The following OSBPL1A variants were observed in gnomAD, a reference collection of about 807,000 sequenced individuals.
OSBPL1A encodes the protein oxysterol-binding protein-related protein 1.
OSBPL1A carries 80 observed loss-of-function variants against 137.1 expected under a neutral mutation model. That is an observed-to-expected ratio of 0.58 (90% CI 0.49 to 0.70). OSBPL1A has a LOEUF of 0.70. OSBPL1A is among the 30% of genes least tolerant of loss of function. The probability of loss-of-function intolerance (pLI) is 0.00; values close to 1 mark genes in which losing one functional copy is unlikely to be tolerated. For synonymous variants in OSBPL1A, 365 were observed against 389.7 expected, an observed-to-expected ratio of 0.94 and a Z score of 0.75; for missense variants, 970 against 1,129.4, an observed-to-expected ratio of 0.86 and a Z score of 2.02.
intron 17 of OSBPL1A, among the ~76,000 whole-genome samples, chr18:24,220,555 T>C (rs1423025168): frequency 6.6e-6 from 1 of 152,210 alleles, no homozygotes; most frequent in Non-Finnish European, 1.5e-5. Flanking sequence ...TGGCTCATTC[T>C]GGGCAGGGCT....
chr18:24,238,633 GC>G (rs2088576185), intron 16 of OSBPL1A, among the ~76,000 whole-genome samples: 1 of 152,158 alleles, frequency 6.6e-6, no homozygotes, highest in Non-Finnish European at 1.5e-5. Context: ...CATGGAACAC[GC>G]CCCAGGTCAC....
chr18:24,350,476 G>C (rs1027609080), intron 4 of OSBPL1A, among the ~76,000 whole-genome samples: 2 of 152,144 alleles, frequency 1.3e-5, no homozygotes, highest in Non-Finnish European at 2.9e-5. Flanking sequence ...GGGGTAGGTA[G>C]AGATAGGGTC....
chr18:24,242,852 G>A (rs966196224), intron 15 of OSBPL1A, among the ~76,000 whole-genome samples: 2 of 152,062 alleles, frequency 1.3e-5, no homozygotes, highest in African/African-American at 4.8e-5. Flanking sequence ...AAAAATACTT[G>A]CAAATATTCC....
chr18:24,200,408 CA>C, intron 17 of OSBPL1A, among the ~76,000 whole-genome samples: 1 of 151,738 alleles, frequency 6.6e-6, no homozygotes. Flanking sequence ...CTAAAAAATA[CA>C]AAAATTAGCA....
intron 15 of OSBPL1A, among the ~76,000 whole-genome samples, chr18:24,242,285 G>T (rs2088723366): frequency 1.1e-5 from 1 of 92,664 alleles, no homozygotes. Flanking sequence ...AGAACTTTAA[G>T]TATAATTAAA....
chr18:24,313,968 A>G (rs2090672429), intron 12 of OSBPL1A, among the ~76,000 whole-genome samples: 1 of 151,912 alleles, frequency 6.6e-6, no homozygotes, highest in African/African-American at 2.4e-5. Context: ...AGCCAGGCGT[A>G]TTGGCACGTG....
chr18:24,250,547 T>G (rs1044303301), intron 15 of OSBPL1A, among the ~76,000 whole-genome samples: 1 of 152,210 alleles, frequency 6.6e-6, no homozygotes, highest in African/African-American at 2.4e-5. Flanking sequence ...GACCCAGTCC[T>G]GGCAGCATTT....
intron 17 of OSBPL1A, among the ~76,000 whole-genome samples, chr18:24,212,094 A>G (rs2087562049): frequency 1.3e-5 from 2 of 150,480 alleles, no homozygotes. Context: ...TTTGAGAGAT[A>G]GTCTCGCTCT....
At chr18:24,220,290 C>T (rs1341192546) in intron 17 of OSBPL1A, among the ~76,000 whole-genome samples, 2 of 152,238 alleles carry the variant, frequency 1.3e-5, no homozygotes, top group African/African-American at 2.4e-5. Context: ...CTTCTCATTG[C>T]CTGCTCCTTG....
chr18:24,242,236 T>C (rs2088721470), intron 15 of OSBPL1A, among the ~76,000 whole-genome samples: 1 of 151,296 alleles, frequency 6.6e-6, no homozygotes, highest in Admixed American at 6.6e-5. Context: ...GGCACATATA[T>C]ATATATGCAG....
intron 4 of OSBPL1A, among the ~76,000 whole-genome samples, chr18:24,356,342 A>G (rs915960447): frequency 6.6e-6 from 1 of 152,176 alleles, no homozygotes; most frequent in East Asian, 1.9e-4. Context: ...TCCCAAAGGG[A>G]CCAATGATCA....
intron 15 of OSBPL1A, among the ~76,000 whole-genome samples, chr18:24,267,259 A>C (rs2089602499): frequency 6.6e-6 from 1 of 151,906 alleles, no homozygotes; most frequent in African/African-American, 2.4e-5. Context: ...AAAAAGAAAT[A>C]GAAAACTAAA....
intron 15 of OSBPL1A, among the ~76,000 whole-genome samples, chr18:24,277,676 A>T (rs1367362660): frequency 6.6e-6 from 1 of 152,266 alleles, no homozygotes; most frequent in Non-Finnish European, 1.5e-5. Context: ...ATAATGCCAG[A>T]TAAAAAAGGT....
intron 5 of OSBPL1A, among the ~76,000 whole-genome samples, chr18:24,340,181 CAAAG>C (rs1385224129): frequency 6.6e-6 from 1 of 152,128 alleles, no homozygotes; most frequent in African/African-American, 2.4e-5. Context: ...CCTGGCCATT[CAAAG>C]AAAGATCCTA....
At chr18:24,245,159 A>C (rs771105001) in intron 15 of OSBPL1A, among the ~76,000 whole-genome samples, 1 of 152,056 alleles carries the variant, frequency 6.6e-6, no homozygotes, top group African/African-American at 2.4e-5. Flanking sequence ...AGGCTCCATC[A>C]TGGCTCGCTG....
chr18:24,385,121 A>T (rs867129354), intron 1 of OSBPL1A, among the ~76,000 whole-genome samples: 12 of 151,762 alleles, frequency 7.9e-5, no homozygotes, highest in African/African-American at 2.9e-4. Flanking sequence ...CACCCGGCTA[A>T]TTTTTTGTAT....
intron 13 of OSBPL1A, among the ~76,000 whole-genome samples, chr18:24,309,579 C>T (rs1395517213): frequency 6.6e-6 from 1 of 152,178 alleles, no homozygotes; most frequent in East Asian, 1.9e-4. Context: ...CTATAGGTAT[C>T]AAGAATAGAC....
chr18:24,299,511 C>CA (rs1165965765), intron 14 of OSBPL1A, among the ~76,000 whole-genome samples: 3 of 150,550 alleles, frequency 2.0e-5, no homozygotes, highest in Non-Finnish European at 3.0e-5. Context: ...TTTCTGGATA[C>CA]AAAAAAAAAG....
At chr18:24,321,891 A>C in intron 7 of OSBPL1A, 1 of 334,380 alleles carries the variant, frequency 3.0e-6, no homozygotes, top group Non-Finnish European at 5.8e-6. Flanking sequence ...TAATTATGCT[A>C]TTTGATTTCT....
Sources: gnomAD v4.1 joint callset for allele counts (sites outside exome capture counted in the v4.1 genomes callset) on GRCh38, gnomAD v4.1.1 for gene constraint, MANE v1.5 for transcripts, NCBI Gene and HGNC (gene_info 2026-07-23, HGNC 2026-07-21) for gene names.